Variants in MAP3K15 observed in about 807,000 individuals in gnomAD.
MAP3K15 encodes mitogen-activated protein kinase kinase kinase 15, also known as MAPK/ERK kinase kinase 15.
MAP3K15 carries 124 observed loss-of-function variants against 99.5 expected under a neutral mutation model. The observed-to-expected ratio is 1.25, with a 90% CI of 1.08 to 1.45. The LOEUF is 1.45. MAP3K15 is among the 40% of genes most tolerant of loss of function. The pLI, the probability that MAP3K15 is intolerant of heterozygous loss-of-function variation, is 0.00. For synonymous variants in MAP3K15, 494 were observed against 439.6 expected, an observed-to-expected ratio of 1.12 and a Z score of -1.55; for missense variants, 1,242 against 1,079.7, an observed-to-expected ratio of 1.15 and a Z score of -2.11.
intron 12 of MAP3K15, 40 bp from the exon 13 acceptor site, chrX:19,407,323 G>T (rs760648475): frequency 9.1e-6 from 7 of 768,209 alleles, no homozygotes; most frequent in Middle Eastern, 3.4e-4. Flanking sequence ...CATAAGTTAT[G>T]ATACCCACTC....
intron 6 of MAP3K15, among the ~76,000 whole-genome samples, chrX:19,434,745 G>A (rs1047641749): frequency 1.3e-4 from 14 of 111,775 alleles, no homozygotes; most frequent in Non-Finnish European, 2.1e-4. Flanking sequence ...GCCTCATTCC[G>A]GATGCAGAAG....
chrX:19,512,741 G>C (rs1331775339), intron 1 of MAP3K15, among the ~76,000 whole-genome samples: 1 of 107,029 alleles, frequency 9.3e-6, no homozygotes, highest in Non-Finnish European at 1.9e-5. Context: ...TTACAGGCGT[G>C]AGCCACTGCA....
intron 5 of MAP3K15, among the ~76,000 whole-genome samples, chrX:19,458,070 A>G (rs1209136095): frequency 8.9e-6 from 1 of 112,250 alleles, no homozygotes; most frequent in African/African-American, 3.2e-5. Flanking sequence ...CCAGGCTTAG[A>G]ATCGTTGGAA....
At chrX:19,497,318 C>T (rs1037744707) in intron 1 of MAP3K15, among the ~76,000 whole-genome samples, 2 of 109,771 alleles carry the variant, frequency 1.8e-5, no homozygotes, top group African/African-American at 6.6e-5. Flanking sequence ...TGCGCCACCA[C>T]GCCTGGCTAA....
At chrX:19,371,673 T>C in intron 22 of MAP3K15, 143 bp from the exon 23 acceptor site, 2 of 518,832 alleles carry the variant, frequency 3.9e-6, no homozygotes, top group South Asian at 3.7e-5. Flanking sequence ...GTTCCCTCCA[T>C]AACCTTCCTG....
At chrX:19,385,898 C>T (rs1881581630) in intron 18 of MAP3K15, among the ~76,000 whole-genome samples, 1 of 111,876 alleles carries the variant, frequency 8.9e-6, no homozygotes, top group Admixed American at 9.5e-5. Flanking sequence ...CTGGAAGGTA[C>T]AGGGCACTAA....
chrX:19,396,978 T>C (rs996857037), intron 15 of MAP3K15, among the ~76,000 whole-genome samples: 27 of 109,094 alleles, frequency 2.5e-4, no homozygotes, highest in African/African-American at 8.4e-4. Context: ...CGGCTCACTG[T>C]AGCCTCTGCC....
At chrX:19,493,789 C>T (rs776208261) in intron 1 of MAP3K15, among the ~76,000 whole-genome samples, 1 of 110,924 alleles carries the variant, frequency 9.0e-6, no homozygotes, top group Admixed American at 9.7e-5. Context: ...TTAACAGACT[C>T]GCCCAAGGTC....
intron 11 of MAP3K15, among the ~76,000 whole-genome samples, chrX:19,411,183 C>CAA (rs1227589192): frequency 5.6e-5 from 5 of 89,353 alleles, no homozygotes; most frequent in African/African-American, 2.0e-4. Flanking sequence ...GACCCTGCCT[C>CAA]AAAAAAAAAA....
chrX:19,362,230 C>CTTT (rs1159241316), intron 26 of MAP3K15, among the ~76,000 whole-genome samples: 29 of 75,651 alleles, frequency 3.8e-4, no homozygotes, highest in African/African-American at 1.3e-3. Context: ...CCTTTTGAAT[C>CTTT]TTTTTTTTTT....
At chrX:19,500,610 G>A (rs945016582) in intron 1 of MAP3K15, among the ~76,000 whole-genome samples, 2 of 111,104 alleles carry the variant, frequency 1.8e-5, no homozygotes, top group Admixed American at 9.7e-5. Context: ...CCCAACAACC[G>A]CCAGGCATTT....
chrX:19,391,970 G>A (rs1715186101), intron 18 of MAP3K15, 32 bp downstream of exon 18: 1 of 1,052,043 alleles, frequency 9.5e-7, no homozygotes, highest in Non-Finnish European at 1.3e-6. Flanking sequence ...ACTCTGGGAT[G>A]GGCACCCTGT....
intron 9 of MAP3K15, among the ~76,000 whole-genome samples, chrX:19,419,830 A>G (rs2063767767): frequency 8.9e-6 from 1 of 112,214 alleles, no homozygotes; most frequent in African/African-American, 3.2e-5. Context: ...AGAAATTATA[A>G]CAAACTCTCT....
chrX:19,450,117 A>G (rs1177653633), intron 6 of MAP3K15, among the ~76,000 whole-genome samples: 3 of 109,772 alleles, frequency 2.7e-5, no homozygotes, highest in Non-Finnish European at 3.9e-5. Flanking sequence ...CCATAACAAT[A>G]AAGTACAGAA....
At chrX:19,465,009 A>G (rs1266913861) in intron 3 of MAP3K15, among the ~76,000 whole-genome samples, 1 of 110,272 alleles carries the variant, frequency 9.1e-6, no homozygotes, top group Non-Finnish European at 1.9e-5. Context: ...CTCCCACCTC[A>G]GCCTCCCTAG....
intron 9 of MAP3K15, among the ~76,000 whole-genome samples, chrX:19,416,087 T>C (rs760989384): frequency 2.7e-5 from 3 of 111,617 alleles, no homozygotes; most frequent in Admixed American, 1.9e-4. Flanking sequence ...TCCCAGCACT[T>C]TGGGAGGCCT....
intron 7 of MAP3K15, among the ~76,000 whole-genome samples, chrX:19,427,524 T>C (rs2063842021): frequency 9.0e-6 from 1 of 111,468 alleles, no homozygotes; most frequent in African/African-American, 3.3e-5. Context: ...GGATCTACTA[T>C]ATCAGGATAA....
intron 6 of MAP3K15, among the ~76,000 whole-genome samples, chrX:19,441,680 A>T (rs939099694): frequency 2.7e-5 from 3 of 111,282 alleles, no homozygotes; most frequent in African/African-American, 9.8e-5. Context: ...CTAGTCTCGA[A>T]CTCCTGAACT....
At chrX:19,391,545 C>T (rs1489923738) in intron 18 of MAP3K15, among the ~76,000 whole-genome samples, 16 of 107,036 alleles carry the variant, frequency 1.5e-4, no homozygotes, top group African/African-American at 4.1e-4. Context: ...TGGTAGGGGG[C>T]GCGCCTATAA....
Sources: gnomAD v4.1 joint callset for allele counts (sites outside exome capture counted in the v4.1 genomes callset) on GRCh38, gnomAD v4.1.1 for gene constraint, MANE v1.5 for transcripts, NCBI Gene and HGNC (gene_info 2026-07-23, HGNC 2026-07-21) for gene names.